Variants in CHD5 observed in about 807,000 individuals in gnomAD.
The protein encoded by CHD5 is ATP-dependent chromatin remodeler CHD5.
In CHD5, 69 loss-of-function variants were observed where a neutral mutation model predicts 230.3. The ratio of observed to expected loss-of-function variants is 0.30; its 90% CI spans 0.25 to 0.37. The LOEUF (loss-of-function observed/expected upper bound fraction) is 0.37. CHD5 is among the 10% of genes least tolerant of loss of function. The probability of loss-of-function intolerance (pLI) is 1.00; values close to 1 mark genes in which losing one functional copy is unlikely to be tolerated. For missense variants in CHD5, 1,827 were observed against 2,622.8 expected (o/e 0.70, Z 6.63); for synonymous variants, 1,064 against 1,065.9 (o/e 1.00, Z 0.03).
At chr1:6,160,121 G>T (rs182020545) in intron 2 of CHD5, among the ~76,000 whole-genome samples, 1 of 130,272 alleles carries the variant, frequency 7.7e-6, no homozygotes, top group Non-Finnish European at 1.6e-5. Flanking sequence ...AAGGGCCCCA[G>T]CCAGGGAAGG....
At chr1:6,114,293 A>C (rs912201252) in intron 33 of CHD5, among the ~76,000 whole-genome samples, 9 of 151,544 alleles carry the variant, frequency 5.9e-5, no homozygotes. Flanking sequence ...GGATGCACCC[A>C]ATCTAAACCC....
rs551921295 is a variant in CHD5 at position 6,121,226 on chromosome 1, G to C, written c.4791C>G (p.Ala1597=). 1 of 1,610,710 alleles carries C rather than the reference G, an allele frequency of 6.2e-7. No homozygotes were observed. The highest frequency in any genetic ancestry group is 1.7e-5 in the Admixed American group (1 of 58,842). The change falls in exon 33 of 42, where the codon GCC becomes GCG. Residue 1597 remains alanine, a synonymous_variant. Coordinates refer to ENST00000262450, the MANE Select transcript of CHD5 (RefSeq NM_015557.3). This position sits in a 1 kb window ranked among gnomAD's most constrained non-coding sequence, Gnocchi z 4.5. ...RQPLEVQALP[A]ALDRVESEDK... ...CCTCACTCTCCACTCTATCCAAGGC[G>C]GCTGGAAGGGCCTGCAGAGGAAAAG...
chr1:6,179,623 C>T (rs1667481987), intron 1 of CHD5, among the ~76,000 whole-genome samples: 1 of 150,366 alleles, frequency 6.7e-6, no homozygotes, highest in Admixed American at 6.6e-5. Flanking sequence ...CAAGGGCACG[C>T]GGGCTGACCC....
At chr1:6,138,731 C>T (rs1666782545) in intron 15 of CHD5, among the ~76,000 whole-genome samples, 3 of 152,234 alleles carry the variant, frequency 2.0e-5, no homozygotes, top group African/African-American at 4.8e-5. Context: ...AATAGAATTA[C>T]CATATGATCC....
intron 36 of CHD5, among the ~76,000 whole-genome samples, chr1:6,111,335 A>G (rs1440242554): frequency 1.3e-5 from 2 of 151,824 alleles, no homozygotes; most frequent in African/African-American, 4.8e-5. Flanking sequence ...GGAGTTCGAG[A>G]CCAGCCTAGC....
At chr1:6,113,784 C>T (rs769528136) in intron 33 of CHD5, among the ~76,000 whole-genome samples, 12 of 152,328 alleles carry the variant, frequency 7.9e-5, no homozygotes, top group South Asian at 4.1e-4. Flanking sequence ...CCACACCCAA[C>T]GCCTTGTCCT....
rs139587848 is a variant in CHD5, at chr1:6,134,805, C to G, written c.2925G>C (p.Gly975=). Residue 975 remains glycine (G), a synonymous_variant, in exon 19 of 42, where the codon GGG becomes GGC. Transcript: ENST00000262450. This position sits in a 1 kb window ranked among gnomAD's most constrained non-coding sequence, Gnocchi z 6.3. ...TRNFEALNSK[G]GGNQVSLLNI... Reference sequence around the variant, plus strand: ...TGAGCAGCGATACTTGGTTCCCGCCCCCCTTGGAGTTCAGTGCCTCAAAGT... The same window carrying G: ...TGAGCAGCGATACTTGGTTCCCGCCGCCCTTGGAGTTCAGTGCCTCAAAGT... 1 of 1,614,112 alleles carries G rather than the reference C, an allele frequency of 6.2e-7. No homozygotes were observed. The highest frequency in any genetic ancestry group is 8.5e-7 in the Non-Finnish European group (1 of 1,179,994).
chr1:6,110,291 C>T (rs1441267771), intron 37 of CHD5, 103 bp downstream of exon 37: 60 of 1,356,156 alleles, frequency 4.4e-5, no homozygotes, highest in Non-Finnish European at 6.1e-5. Flanking sequence ...GACCCAGGTA[C>T]ACGGGGAGGG....
chr1:6,119,804 TAC>T (rs918905811), intron 33 of CHD5, among the ~76,000 whole-genome samples: 6 of 149,036 alleles, frequency 4.0e-5, no homozygotes, highest in Admixed American at 2.7e-4. Flanking sequence ...CGTATGTACG[TAC>T]ATATATACGT....
rs780805084 is a variant in CHD5 at position 6,121,213 on chromosome 1, C to T, written c.4804G>A (p.Val1602Met). 2.3e-5 allele frequency: 37 copies of T among 1,613,526 alleles called. No individual in the cohort carries two copies. The East Asian group carries it at 8.0e-4, about 35-fold the overall frequency. The change falls in exon 33 of 42, where the codon GTG (valine) becomes ATG (methionine). Residue 1602 changes from valine to methionine, a missense_variant. Val to Met is a conservative substitution (Grantham distance 21). Around this residue, in one of 14 missense-constraint regions of CHD5, gnomAD observed 272 missense variants for 263.2 expected, o/e 1.03. Transcript: ENST00000262450. This position sits in a 1 kb window ranked among gnomAD's most constrained non-coding sequence, Gnocchi z 4.5. The stretch of plus-strand genomic sequence containing the variant: ...CTCTCGTGCTTGTCCTCACTCTCCA[C>T]TCTATCCAAGGCGGCTGGAAGGGCC... ...VQALPAALDR[V>M]ESEDKHESPA... is the part of the protein sequence containing the mutation.
In CHD5 at chr1:6,168,226, G is replaced by T; in HGVS notation, c.131C>A (p.Pro44His). Residue 44 changes from proline to histidine, a missense_variant, in exon 2 of 42, where the codon CCC (proline) becomes CAC (histidine). By Grantham distance (77) the Pro-to-His change is moderately conservative. This residue lies in a region of CHD5 where 113 missense variants were observed against 91.9 expected (regional missense o/e 1.23). Transcript: ENST00000262450. ...EAFDDFFPVE[P>H]VSLPKKKKPK... ...TTTCTTCTTCTTAGGAAGGCTCACG[G>T]GCTCCACAGGGAAAAAGTCATCGAA... 1 of 1,611,586 alleles carries T rather than the reference G, an allele frequency of 6.2e-7. No individual in the cohort carries two copies. Among genetic ancestry groups the T allele is most frequent in the South Asian group, 1.1e-5 (1 of 90,868 alleles).
Position 6,155,556 on chromosome 1 carries a change from G to A in CHD5, c.506+43C>T, listed in dbSNP as rs541407566. On this transcript the variant is annotated intron_variant, in intron 4 of 41. Transcript: ENST00000262450. This position sits in a 1 kb window ranked among gnomAD's most constrained non-coding sequence, Gnocchi z 4.0. ...CCTCCCTCCCGACTTGGTACCACCAGAGGATGTGCGGGCCTGGAGAACAGC... is the reference window on the plus strand; with the variant it reads ...CCTCCCTCCCGACTTGGTACCACCAAAGGATGTGCGGGCCTGGAGAACAGC... The A allele has an allele frequency of 6.6e-7, 1 of 1,520,190 alleles. No homozygotes were observed. Among genetic ancestry groups the A allele is most frequent in the East Asian group, 2.3e-5 (1 of 44,428 alleles). The allele number at this position is 1,520,190 out of a possible 1,614,324, so 94.2% of individuals were successfully genotyped here.
In CHD5 at chr1:6,101,994, T is replaced by C. The variant is rs6696489; in HGVS notation, c.*3480A>G. ...CCCTGGCTGGGACTCCTGGCGCGCC[T>C]TGCACCCAGCCCAGGGCCCTCCCTT... On this transcript the variant is annotated 3_prime_UTR_variant, in exon 42 of 42. Coordinates refer to ENST00000262450, the MANE Select transcript of CHD5 (RefSeq NM_015557.3). 0.7 allele frequency: 288,970 copies of C among 411,882 alleles called. 103,123 individuals carry two copies. Among genetic ancestry groups the C allele is most frequent in the East Asian group, 0.85 (7,559 of 8,844 alleles). 25.5% of individuals were successfully genotyped at this position (411,882 alleles called of 1,614,324 possible).
At chr1:6,174,111 G>A (rs918341917) in intron 1 of CHD5, among the ~76,000 whole-genome samples, 2 of 151,916 alleles carry the variant, frequency 1.3e-5, no homozygotes, top group African/African-American at 4.8e-5. Context: ...GGACAGAATG[G>A]TGAGAGGGGA....
At chr1:6,178,519 T>G (rs575368319) in intron 1 of CHD5, among the ~76,000 whole-genome samples, 2 of 152,204 alleles carry the variant, frequency 1.3e-5, no homozygotes, top group African/African-American at 2.4e-5. Flanking sequence ...GCCACTGATT[T>G]TTTTTTGTGC....
intron 1 of CHD5, among the ~76,000 whole-genome samples, chr1:6,169,372 C>T (rs997024204): frequency 6.6e-6 from 1 of 152,198 alleles, no homozygotes; most frequent in Admixed American, 6.5e-5. Context: ...TGCACTGACT[C>T]GAAAGGCCGA....
At chr1:6,127,035 C>T (rs1327921186) in intron 25 of CHD5, 1 of 452,580 alleles carries the variant, frequency 2.2e-6, no homozygotes, top group Non-Finnish European at 4.0e-6. Context: ...TCCCCCTTGC[C>T]TGCCCTCAGG....
At chr1:6,137,734 C>T (rs959819746) in intron 15 of CHD5, among the ~76,000 whole-genome samples, 3 of 152,250 alleles carry the variant, frequency 2.0e-5, no homozygotes, top group African/African-American at 4.8e-5. Context: ...GAGAAAGGGA[C>T]CCTGCACTTG....
intron 2 of CHD5, among the ~76,000 whole-genome samples, chr1:6,166,531 C>G (rs1013753832): frequency 3.3e-5 from 5 of 152,084 alleles, no homozygotes; most frequent in Admixed American, 6.5e-5. Context: ...GGGCTAACAC[C>G]TCCCAGCCCC....
Sources: gnomAD v4.1 joint callset for allele counts (sites outside exome capture counted in the v4.1 genomes callset) on GRCh38, gnomAD v4.1.1 for gene constraint, gnomAD v4.1.1 regional missense constraint, Gnocchi (gnomAD v3.1) non-coding constraint, MANE v1.5 for transcripts, NCBI Gene and HGNC (gene_info 2026-07-23, HGNC 2026-07-21) for gene names.